Variants in PLXNA4 observed in about 807,000 individuals in gnomAD.
PLXNA4 encodes plexin-A4.
A neutral mutation model predicts 191.8 loss-of-function variants in PLXNA4; 44 were observed. The ratio of observed to expected loss-of-function variants is 0.23; its 90% CI spans 0.18 to 0.29. The LOEUF is 0.29. PLXNA4 is among the 10% of genes least tolerant of loss of function. PLXNA4 has a pLI of 1.00. For missense variants in PLXNA4, 1,800 were observed against 2,488.8 expected, an observed-to-expected ratio of 0.72 and a Z score of 5.89; for synonymous variants, 1,082 against 1,009.5, an observed-to-expected ratio of 1.07 and a Z score of -1.36.
chr7:132,513,000 G>A (rs1268615253), intron 1 of PLXNA4, among the ~76,000 whole-genome samples: 1 of 152,220 alleles, frequency 6.6e-6, no homozygotes, highest in Non-Finnish European at 1.5e-5. Context: ...CGTAGAGTGG[G>A]TAAGAAGGCA....
At position 132,475,461 on chromosome 7, in the gene PLXNA4, C is replaced by T. The variant is rs964930930; in HGVS notation, c.1371+13831G>A. 2.6e-5 allele frequency among the ~76,000 whole-genome samples: 4 copies of T among 152,212 alleles called. No individual in the cohort carries two copies. The East Asian group carries it at 5.8e-4, about 22-fold the overall frequency. ...GATGAACTTCATTTCAGCTTCCTGCCCGGTATCTACCCTTGATGCCAGGAA... is the reference window on the plus strand; with the variant it reads ...GATGAACTTCATTTCAGCTTCCTGCTCGGTATCTACCCTTGATGCCAGGAA... On this transcript the variant is annotated intron_variant, in intron 3 of 31. Transcript: ENST00000321063.
intron 1 of PLXNA4, among the ~76,000 whole-genome samples, chr7:132,534,172 A>G (rs1049971120): frequency 3.9e-5 from 6 of 152,140 alleles, no homozygotes; most frequent in African/African-American, 1.2e-4. Flanking sequence ...TCACACTGAA[A>G]CAGAAAGCCG....
At chr7:132,355,551 C>T (rs1803663874) in intron 3 of PLXNA4, among the ~76,000 whole-genome samples, 1 of 152,162 alleles carries the variant, frequency 6.6e-6, no homozygotes, top group South Asian at 2.1e-4. Context: ...TCCCATTCAG[C>T]CGATTAATAT....
At chr7:132,464,210 C>T (rs1381715526) in intron 3 of PLXNA4, among the ~76,000 whole-genome samples, 1 of 152,170 alleles carries the variant, frequency 6.6e-6, no homozygotes, top group East Asian at 1.9e-4. Context: ...TGGAAGAGTC[C>T]TGCTCTGTCT....
chr7:132,641,481 C>A (rs1803742452), intron 2 of PLXNA4, among the ~76,000 whole-genome samples: 2 of 152,106 alleles, frequency 1.3e-5, no homozygotes, highest in Admixed American at 1.3e-4. Flanking sequence ...CCTTATTTAA[C>A]CTTAATTACC....
In PLXNA4 at chr7:132,127,771, T is replaced by A. The variant is rs1794809876; in HGVS notation, c.*2708A>T. 1 of 151,298 alleles carries A rather than the reference T, an allele frequency of 6.6e-6. No homozygotes were observed. The highest frequency in any genetic ancestry group is 2.5e-5 in the African/African-American group (1 of 40,696). 9.4% of individuals were successfully genotyped at this position (151,298 alleles called of 1,614,324 possible). ...AGGAGAAATGGGGACAGCCAGAAAATTTGTCTGTCCTTGTCTCCTCTTTCT... is the reference window on the plus strand; with the variant it reads ...AGGAGAAATGGGGACAGCCAGAAAAATTGTCTGTCCTTGTCTCCTCTTTCT... On this transcript the variant is annotated 3_prime_UTR_variant, in exon 32 of 32. Transcript: ENST00000321063.
intron 3 of PLXNA4, among the ~76,000 whole-genome samples, chr7:132,402,971 C>T (rs1794057864): frequency 6.6e-6 from 1 of 152,236 alleles, no homozygotes; most frequent in South Asian, 2.1e-4. Context: ...CGCCACCATG[C>T]AAATGCGTAA....
At chr7:132,302,410 C>G (rs139006290) in intron 3 of PLXNA4, among the ~76,000 whole-genome samples, 4 of 152,182 alleles carry the variant, frequency 2.6e-5, no homozygotes, top group Non-Finnish European at 5.9e-5. Flanking sequence ...AGTGCAATCC[C>G]CAATACATGG....
intron 2 of PLXNA4, among the ~76,000 whole-genome samples, chr7:132,498,010 A>G (rs1798098318): frequency 6.6e-6 from 1 of 152,174 alleles, no homozygotes; most frequent in Non-Finnish European, 1.5e-5. Context: ...TGGGGTTGGA[A>G]AAACAACCCA....
At chr7:132,636,951 C>T (rs1803620516) in intron 2 of PLXNA4, among the ~76,000 whole-genome samples, 3 of 152,138 alleles carry the variant, frequency 2.0e-5, no homozygotes, top group African/African-American at 7.2e-5. Flanking sequence ...CCATCCAGCT[C>T]CCCCAATATG....
intron 4 of PLXNA4, among the ~76,000 whole-genome samples, chr7:132,243,692 GT>G (rs1798955245): frequency 9.1e-6 from 1 of 109,708 alleles, no homozygotes; most frequent in Non-Finnish European, 1.7e-5. Flanking sequence ...CCAATTCACA[GT>G]TTCCCAAAGC....
chr7:132,622,211 G>A lies in PLXNA4; in HGVS notation c.-87+23717C>T, dbSNP rs149971143. ...CTGGATATAAACAAGCATGATGAGC[G>A]TAGAAGCCACATGTTGAGGATGGCA... On this transcript the variant is annotated intron_variant, in intron 2 of 4. Coordinates refer to the PLXNA4 transcript ENST00000378539. 7.2e-4 allele frequency among the ~76,000 whole-genome samples: 110 copies of A among 152,208 alleles called. 1 individual carries two copies. Among genetic ancestry groups the A allele is most frequent in the African/African-American group, 2.4e-3 (99 of 41,490 alleles).
At chr7:132,388,431 GTCAA>G (rs1805251972) in intron 3 of PLXNA4, among the ~76,000 whole-genome samples, 2 of 152,038 alleles carry the variant, frequency 1.3e-5, no homozygotes, top group Admixed American at 6.6e-5. Context: ...TGATTTGTAA[GTCAA>G]TCATTCATAT....
chr7:132,431,752 T>TA (rs1795271208), intron 3 of PLXNA4, among the ~76,000 whole-genome samples: 2 of 152,326 alleles, frequency 1.3e-5, no homozygotes, highest in Non-Finnish European at 2.9e-5. Flanking sequence ...AGCTCTGGTC[T>TA]TGGCCTCAGC....
At chr7:132,222,362 T>A (rs1008126055) in intron 9 of PLXNA4, among the ~76,000 whole-genome samples, 9 of 152,182 alleles carry the variant, frequency 5.9e-5, no homozygotes, top group Non-Finnish European at 1.2e-4. Flanking sequence ...ATAAACAGCT[T>A]CTCTCCTCCC....
In PLXNA4 at chr7:132,310,855, T is replaced by A. The variant is rs565708589; in HGVS notation, c.1372-12633A>T. On this transcript the variant is annotated intron_variant, in intron 3 of 31. Transcript: ENST00000321063. ...CCATCCAAGGACAGCTGTGTGTGTG[T>A]GAGAGAGGCTAAGAACAGCCCATGT... 2.6e-5 allele frequency among the ~76,000 whole-genome samples: 4 copies of A among 152,210 alleles called. No homozygotes were observed. The East Asian group carries it at 7.7e-4, about 29-fold the overall frequency.
chr7:132,479,633 T>C (rs1316574882), intron 3 of PLXNA4, among the ~76,000 whole-genome samples: 4 of 152,186 alleles, frequency 2.6e-5, no homozygotes, highest in Non-Finnish European at 5.9e-5. Context: ...TTGCTCTTTG[T>C]AGATTCTTTG....
chr7:132,472,810 G>A (rs1484558104), intron 3 of PLXNA4, among the ~76,000 whole-genome samples: 1 of 152,206 alleles, frequency 6.6e-6, no homozygotes, highest in African/African-American at 2.4e-5. Flanking sequence ...AGGTACAGGT[G>A]ATGGTGAGGG....
intron 13 of PLXNA4, among the ~76,000 whole-genome samples, chr7:132,195,562 A>C (rs1797229898): frequency 6.6e-6 from 1 of 152,244 alleles, no homozygotes; most frequent in Non-Finnish European, 1.5e-5. Flanking sequence ...ATGCACTTCT[A>C]TTGATGGCCC....
Sources: allele counts gnomAD v4.1 joint callset (sites outside exome capture counted in the v4.1 genomes callset), GRCh38; gene constraint gnomAD v4.1.1; transcripts MANE v1.5; gene names NCBI Gene and HGNC (gene_info 2026-07-23, HGNC 2026-07-21).